TUT4: variants seen among roughly 807,000 people sequenced by gnomAD.
TUT4 encodes the protein terminal uridylyl transferase 4.
Under a neutral mutation model 192.2 loss-of-function variants are expected in TUT4, and 36 were observed. The observed-to-expected ratio is 0.19, with a 90% CI of 0.14 to 0.25. The LOEUF is 0.25. Among genes scored for constraint, TUT4 ranks in the 10% least tolerant of loss-of-function variants. The pLI is 1.00. For missense variants in TUT4, 1,493 were observed against 1,957.2 expected (o/e 0.76, Z 4.47); for synonymous variants, 618 against 666.0 (o/e 0.93, Z 1.11).
At chr1:52,539,278 T>C (rs898725630) in intron 1 of TUT4, among the ~76,000 whole-genome samples, 4 of 152,040 alleles carry the variant, frequency 2.6e-5, no homozygotes, top group Non-Finnish European at 5.9e-5. Context: ...ATTAAGGAAA[T>C]AAAGTGTCAG....
At chr1:52,546,468 A>G (rs573011937) in intron 1 of TUT4, among the ~76,000 whole-genome samples, 2 of 152,346 alleles carry the variant, frequency 1.3e-5, no homozygotes, top group African/African-American at 4.8e-5. Flanking sequence ...TTCAATTTAT[A>G]TGAGGTATTT....
intron 19 of TUT4, 94 bp downstream of exon 19, chr1:52,461,040 A>G (rs1662411863): frequency 9.2e-7 from 1 of 1,086,292 alleles, no homozygotes; most frequent in African/African-American, 1.6e-5. Context: ...TCAGATAAAC[A>G]AAACTGAGAC....
chr1:52,542,602 A>G (rs986184400), intron 1 of TUT4, among the ~76,000 whole-genome samples: 11 of 152,198 alleles, frequency 7.2e-5, no homozygotes, highest in Non-Finnish European at 1.5e-4. Context: ...AAAAACACTC[A>G]ACAATCTAGG....
chr1:52,538,520 G>C (rs2149613895), intron 1 of TUT4: 1 of 151,766 alleles, frequency 6.6e-6, no homozygotes, highest in African/African-American at 2.4e-5. Context: ...AATTAGCCAG[G>C]CACCTGTAGT....
intron 24 of TUT4, among the ~76,000 whole-genome samples, chr1:52,444,897 GTA>G (rs556665811): frequency 1.1e-4 from 16 of 139,466 alleles, no homozygotes; most frequent in Admixed American, 7.7e-4. Context: ...ATATATGTGT[GTA>G]TATATATATG....
chr1:52,531,696 T>C (rs1413037333), intron 1 of TUT4, among the ~76,000 whole-genome samples: 1 of 152,098 alleles, frequency 6.6e-6, no homozygotes, highest in Non-Finnish European at 1.5e-5. Flanking sequence ...TTGTCTACAA[T>C]ATAACTAGGA....
intron 24 of TUT4, among the ~76,000 whole-genome samples, chr1:52,438,906 C>T (rs1297218873): frequency 1.3e-5 from 2 of 152,020 alleles, no homozygotes; most frequent in African/African-American, 2.4e-5. Flanking sequence ...CCCGTCTCTA[C>T]TAAAAACACA....
chr1:52,521,889 C>T (rs1254616258), intron 2 of TUT4, among the ~76,000 whole-genome samples: 2 of 151,870 alleles, frequency 1.3e-5, no homozygotes, highest in East Asian at 1.9e-4. Flanking sequence ...CACTTGAACC[C>T]GGGAGGTGGA....
chr1:52,522,762 G>A (rs916286870), intron 2 of TUT4, among the ~76,000 whole-genome samples: 1 of 151,746 alleles, frequency 6.6e-6, no homozygotes, highest in African/African-American at 2.4e-5. Context: ...CCCATCTCCA[G>A]TAAAAATACA....
intron 1 of TUT4, among the ~76,000 whole-genome samples, chr1:52,530,832 G>A (rs1683179206): frequency 6.6e-6 from 1 of 152,056 alleles, no homozygotes; most frequent in Admixed American, 6.6e-5. Flanking sequence ...GTAAAACCCT[G>A]TCTCTACAGA....
chr1:52,525,472 T>G, intron 2 of TUT4, 91 bp downstream of exon 2: 3 of 1,467,920 alleles, frequency 2.0e-6, no homozygotes, highest in South Asian at 2.9e-5. Context: ...AACAATTATG[T>G]ATAAACATGA....
intron 28 of TUT4, among the ~76,000 whole-genome samples, chr1:52,427,124 T>C (rs941446461): frequency 6.6e-6 from 1 of 151,938 alleles, no homozygotes; most frequent in Non-Finnish European, 1.5e-5. Flanking sequence ...CAAAAAACAA[T>C]TTTTTGCTTC....
intron 16 of TUT4, chr1:52,463,585 C>T (rs1357800254): frequency 7.9e-7 from 1 of 1,264,636 alleles, no homozygotes; most frequent in Admixed American, 2.5e-5. Context: ...GAAGCTGGGC[C>T]TCACCCCAAT....
chr1:52,539,526 T>A (rs1468822298), intron 1 of TUT4, among the ~76,000 whole-genome samples: 1 of 152,166 alleles, frequency 6.6e-6, no homozygotes, highest in African/African-American at 2.4e-5. Context: ...AAAGCAATGT[T>A]CAAGACACAT....
At chr1:52,493,799 C>A in intron 6 of TUT4, 137 bp from the exon 7 acceptor site, 1 of 635,902 alleles carries the variant, frequency 1.6e-6, no homozygotes, top group Non-Finnish European at 2.7e-6. Context: ...AAAACAGAAT[C>A]GTGTTTTTTT....
At chr1:52,465,217 G>T in intron 15 of TUT4, 44 bp from the exon 16 acceptor site, 3 of 1,438,236 alleles carry the variant, frequency 2.1e-6, no homozygotes, top group Non-Finnish European at 2.9e-6. Flanking sequence ...TATAAGCAGA[G>T]AGGAGGAGTC....
intron 15 of TUT4, among the ~76,000 whole-genome samples, chr1:52,467,715 C>T (rs937046100): frequency 1.3e-5 from 2 of 152,160 alleles, no homozygotes; most frequent in Admixed American, 6.6e-5. Flanking sequence ...CCCTCTCTGA[C>T]CTCTTCTATA....
intron 1 of TUT4, among the ~76,000 whole-genome samples, chr1:52,532,054 A>G (rs1460739229): frequency 1.3e-5 from 2 of 151,502 alleles, no homozygotes; most frequent in Non-Finnish European, 2.9e-5. Flanking sequence ...CGCCCAGCTA[A>G]TTTTTGTATT....
intron 14 of TUT4, among the ~76,000 whole-genome samples, chr1:52,471,310 C>T (rs1447137493): frequency 2.6e-5 from 4 of 152,100 alleles, no homozygotes; most frequent in African/African-American, 7.2e-5. Flanking sequence ...CCACTGCGCC[C>T]GGCCACTCTA....
Sources: allele counts gnomAD v4.1 joint callset (sites outside exome capture counted in the v4.1 genomes callset), GRCh38; gene constraint gnomAD v4.1.1; transcripts MANE v1.5; gene names NCBI Gene and HGNC (gene_info 2026-07-23, HGNC 2026-07-21).